The following SPATA31H1 variants were observed in gnomAD, a reference collection of about 807,000 sequenced individuals.
SPATA31H1 encodes the protein spermatogenesis-associated protein 31H1.
At chr2:27,549,602 G>A in the SPATA31H1 span, among the ~76,000 whole-genome samples, 1 of 151,766 alleles carries the variant, frequency 6.6e-6, no homozygotes, top group Non-Finnish European at 1.5e-5. Flanking sequence ...CTGAGGTCAG[G>A]AGTTCAAGAC....
chr2:27,566,296 G>C, the SPATA31H1 span: 1 of 717,300 alleles, frequency 1.4e-6, no homozygotes, highest in South Asian at 1.5e-5. Flanking sequence ...CAGTGTTTCA[G>C]AACTCCCTGT....
the SPATA31H1 span, among the ~76,000 whole-genome samples, chr2:27,537,845 G>GTTA: frequency 1.3e-5 from 2 of 152,140 alleles, no homozygotes; most frequent in African/African-American, 2.4e-5. Context: ...AGTTAATAGA[G>GTTA]GTATAAATGT....
chr2:27,578,345 G>T, the SPATA31H1 span: 4 of 1,614,168 alleles, frequency 2.5e-6, no homozygotes, highest in South Asian at 3.3e-5. Context: ...TAAAAACTAT[G>T]TTAATCCCAG....
the SPATA31H1 span, chr2:27,575,352 C>G: frequency 1.0e-5 from 4 of 398,386 alleles, no homozygotes; most frequent in Non-Finnish European, 1.8e-5. This position sits in a 1 kb window ranked among gnomAD's most constrained non-coding sequence, Gnocchi z 4.1. Flanking sequence ...GGTGTTCAAT[C>G]CTGAGCCACA....
the SPATA31H1 span, among the ~76,000 whole-genome samples, chr2:27,556,134 C>CAAA: frequency 2.2e-5 from 2 of 92,892 alleles, no homozygotes; most frequent in African/African-American, 8.3e-5. Context: ...GACTCCATCT[C>CAAA]AAAAAAAAAA....
the SPATA31H1 span, among the ~76,000 whole-genome samples, chr2:27,546,019 A>G: frequency 6.6e-6 from 1 of 152,018 alleles, no homozygotes; most frequent in Non-Finnish European, 1.5e-5. Flanking sequence ...AGTCTTTTGC[A>G]TATTTTTAAT....
At chr2:27,541,120 A>T in the SPATA31H1 span, among the ~76,000 whole-genome samples, 2 of 146,798 alleles carry the variant, frequency 1.4e-5, no homozygotes, top group South Asian at 2.2e-4. Context: ...AGTGAAGGAG[A>T]CTCCGTCTGC....
At chr2:27,562,906 G>A in the SPATA31H1 span, among the ~76,000 whole-genome samples, 17 of 151,614 alleles carry the variant, frequency 1.1e-4, 1 homozygote, top group Admixed American at 2.6e-4. Flanking sequence ...AAAAAATTGG[G>A]GGAGTACTGA....
At chr2:27,560,299 T>G in the SPATA31H1 span, among the ~76,000 whole-genome samples, 2 of 146,518 alleles carry the variant, frequency 1.4e-5, no homozygotes, top group East Asian at 4.0e-4. Flanking sequence ...GAAATTGGAG[T>G]ATGTCTTACA....
chr2:27,550,244 G>T, the SPATA31H1 span, among the ~76,000 whole-genome samples: 1 of 149,306 alleles, frequency 6.7e-6, no homozygotes, highest in Non-Finnish European at 1.5e-5. Flanking sequence ...TAATGTAGAG[G>T]ATAGTTTGCA....
the SPATA31H1 span, chr2:27,576,376 C>G: frequency 3.7e-6 from 2 of 540,914 alleles, no homozygotes; most frequent in Non-Finnish European, 6.5e-6. Flanking sequence ...GAGTTCCATT[C>G]ACACCTCAGG....
At chr2:27,554,859 C>A in the SPATA31H1 span, among the ~76,000 whole-genome samples, 2 of 152,018 alleles carry the variant, frequency 1.3e-5, no homozygotes, top group Non-Finnish European at 2.9e-5. Context: ...CAGGTGTGAG[C>A]CACCGTGCCC....
At chr2:27,578,434 C>A in the SPATA31H1 span, 1 of 1,614,016 alleles carries the variant, frequency 6.2e-7, no homozygotes, top group East Asian at 2.2e-5. Flanking sequence ...ATAGGAGTAG[C>A]CCTAGAATCA....
At chr2:27,580,157 A>G in the SPATA31H1 span, 2 of 1,614,214 alleles carry the variant, frequency 1.2e-6, no homozygotes, top group Non-Finnish European at 1.7e-6. Context: ...GCCCTATATC[A>G]CCATCACAAA....
chr2:27,562,841 C>A, the SPATA31H1 span, among the ~76,000 whole-genome samples: 2 of 150,678 alleles, frequency 1.3e-5, no homozygotes, highest in East Asian at 1.9e-4. Context: ...GAGCTGAGAT[C>A]GCGCCACTGC....
the SPATA31H1 span, chr2:27,565,268 A>C: frequency 7.1e-6 from 5 of 699,356 alleles, no homozygotes; most frequent in Non-Finnish European, 1.3e-5. Context: ...AAAGGTGAGA[A>C]GTGCTGTCAA....
chr2:27,549,407 T>C, the SPATA31H1 span, among the ~76,000 whole-genome samples: 2 of 151,814 alleles, frequency 1.3e-5, no homozygotes, highest in South Asian at 4.2e-4. Context: ...GGCACAATCA[T>C]AGTCACTGCA....
At chr2:27,541,402 GGGGGAGAGAGAGAGGGGAGA>G in the SPATA31H1 span, among the ~76,000 whole-genome samples, 1 of 151,496 alleles carries the variant, frequency 6.6e-6, no homozygotes, top group African/African-American at 2.4e-5. Context: ...ACCGTGGGAA[GGGGGAGAGAGAGAGGGGAGA>G]GGGGAGAGGG....
chr2:27,550,652 C>T, the SPATA31H1 span, among the ~76,000 whole-genome samples: 2 of 151,756 alleles, frequency 1.3e-5, no homozygotes, highest in East Asian at 3.9e-4. Flanking sequence ...CTCCTTTCCT[C>T]AGGTGATCTG....
Sources: gnomAD v4.1 joint callset for allele counts (sites outside exome capture counted in the v4.1 genomes callset) on GRCh38, gnomAD v4.1.1 for gene constraint, Gnocchi (gnomAD v3.1) non-coding constraint, MANE v1.5 for transcripts, NCBI Gene and HGNC (gene_info 2026-07-23, HGNC 2026-07-21) for gene names.